Variants in CRB2 observed in about 807,000 individuals in gnomAD.
CRB2 encodes protein crumbs homolog 2.
A neutral mutation model predicts 110.9 loss-of-function variants in CRB2; 85 were observed. The observed-to-expected ratio is 0.77, with a 90% confidence interval of 0.64 to 0.92. CRB2 has a LOEUF of 0.92. Among genes scored for constraint, CRB2 ranks in the 40% least tolerant of loss-of-function variants. The pLI is 0.00. For missense variants in CRB2, 1,843 were observed against 1,851.3 expected (o/e 1.00, Z 0.08); for synonymous variants, 907 against 831.0 (o/e 1.09, Z -1.57).
At chr9:123,362,824 A>G (rs770188191) in intron 1 of CRB2, 41 bp from the exon 2 acceptor site, 1 of 1,527,420 alleles carries the variant, frequency 6.5e-7, no homozygotes, top group South Asian at 1.3e-5. Context: ...TGTCCTTGTA[A>G]CCTCTGCCCA....
At position 123,377,157 on chromosome 9, in the gene CRB2, CG is replaced by C. The variant is rs2042115776; in HGVS notation, c.*97del. ...GCTTCCAGGGCTCGGGACATTGCTA[CG>C]GAAGTGTCCCCTTGGCTGGCAGCCT... On this transcript the variant is annotated 3_prime_UTR_variant, in exon 13 of 13. Coordinates refer to ENST00000373631, the MANE Select transcript of CRB2 (RefSeq NM_173689.7). 1.7e-6 allele frequency: 2 copies of C among 1,153,332 alleles called. No homozygotes were observed. Among genetic ancestry groups the C allele is most frequent in the African/African-American group, 1.6e-5 (1 of 64,090 alleles). The allele number at this position is 1,153,332 out of a possible 1,614,324, so 71.4% of individuals were successfully genotyped here. A position where few individuals can be genotyped will look rare whatever the true frequency, so the allele number is the denominator to read the frequency against.
rs34802652 is a variant in CRB2, at chr9:123,370,270, C to T, written c.1217C>T (p.Pro406Leu). The change falls in exon 7 of 13, where the codon CCG (proline) becomes CTG (leucine). Residue 406 changes from proline (P) to leucine (L), a missense_variant. Coordinates refer to ENST00000373631, the MANE Select transcript of CRB2 (RefSeq NM_173689.7). Reference protein sequence around the residue: ...QLTGCQGHTCPLAATCIPIFE... With the variant: ...QLTGCQGHTCLLAATCIPIFE... ...ACTGGCTGCCAGGGCCACACCTGCC[C>T]GCTGGCTGCCACCTGCATCCCTATC... 1.1e-3 allele frequency: 1,714 copies of T among 1,613,302 alleles called. 27 individuals are homozygous for T. In the South Asian group the frequency reaches 0.015, roughly 14 times the overall value.
intron 12 of CRB2, 145 bp from the exon 13 acceptor site, chr9:123,376,693 C>A (rs769082890): frequency 2.7e-6 from 2 of 735,044 alleles, no homozygotes; most frequent in Non-Finnish European, 4.4e-6. Flanking sequence ...ACCCCTGGGG[C>A]TGGGTCTTCA....
Position 123,356,197 on chromosome 9 carries a change from G to T in CRB2, c.-64G>T, listed in dbSNP as rs369751222. ...TGCTGGTTGGAGGGACGAGGGGGGTGCGGAGCCAGCCAGGCCGCCCTCCCG... is the reference window on the plus strand; with the variant it reads ...TGCTGGTTGGAGGGACGAGGGGGGTTCGGAGCCAGCCAGGCCGCCCTCCCG... On this transcript the variant is annotated 5_prime_UTR_variant, in exon 1 of 13. Coordinates refer to ENST00000373631, the MANE Select transcript of CRB2 (RefSeq NM_173689.7). 5.5e-5 allele frequency: 65 copies of T among 1,174,384 alleles called. 1 individual carries two copies. In the East Asian group the frequency reaches 1.0e-3, roughly 18 times the overall value. The allele number at this position is 1,174,384 out of a possible 1,614,324, so 72.7% of individuals were successfully genotyped here.
In CRB2 at chr9:123,365,943, G is replaced by C. The variant is rs1171534921; in HGVS notation, c.445G>C (p.Glu149Gln). Reference sequence around the variant, plus strand: ...CGTGACCTGCGAGATGGAGGTGGACGAGTGCGCCTCAGCGCCCTGCCTGCA... The same window carrying C: ...CGTGACCTGCGAGATGGAGGTGGACCAGTGCGCCTCAGCGCCCTGCCTGCA... ...AGVTCEMEVD[E>Q]CASAPCLHGG... The change falls in exon 3 of 13, where the codon GAG becomes CAG. Residue 149 changes from glutamate (E) to glutamine (Q), a missense_variant. Physicochemically the swap from Glu to Gln is conservative, Grantham distance 29 (BLOSUM62 2). Coordinates refer to ENST00000373631, the MANE Select transcript of CRB2 (RefSeq NM_173689.7). 6.3e-7 allele frequency: 1 copy of C among 1,596,380 alleles called. No homozygotes were observed. Among genetic ancestry groups the C allele is most frequent in the Non-Finnish European group, 8.5e-7 (1 of 1,178,670 alleles).
chr9:123,374,999 C>CCAG (rs578251239), intron 11 of CRB2, among the ~76,000 whole-genome samples: 3 of 152,236 alleles, frequency 2.0e-5, no homozygotes, highest in East Asian at 3.9e-4. Flanking sequence ...CACCTGCCTT[C>CCAG]ACACAGGCTC....
At chr9:123,374,801 TG>T in intron 11 of CRB2, 106 bp downstream of exon 11, 1 of 712,892 alleles carries the variant, frequency 1.4e-6, no homozygotes, top group Non-Finnish European at 2.4e-6. Flanking sequence ...CACCCCTCCC[TG>T]GTATCACAGT....
In CRB2 at chr9:123,377,312, C is replaced by T. The variant is rs527766122; in HGVS notation, c.*250C>T. 94 of 500,672 alleles carry T rather than the reference C, an allele frequency of 1.9e-4. No individual in the cohort carries two copies. Among genetic ancestry groups the T allele is most frequent in the Middle Eastern group, 1.6e-3 (3 of 1,908 alleles). 31.0% of individuals were successfully genotyped at this position (500,672 alleles called of 1,614,324 possible). Reference sequence around the variant, plus strand: ...CCGCCTTGGCAGGTGTACGGCTGTGCGTGGGAGGGCACACGTGGGTTCACA... The same window carrying T: ...CCGCCTTGGCAGGTGTACGGCTGTGTGTGGGAGGGCACACGTGGGTTCACA... On this transcript the variant is annotated 3_prime_UTR_variant, in exon 13 of 13. Coordinates refer to ENST00000373631, the MANE Select transcript of CRB2 (RefSeq NM_173689.7).
intron 4 of CRB2, 137 bp from the exon 5 acceptor site, chr9:123,367,035 T>C: frequency 1.2e-6 from 1 of 819,640 alleles, no homozygotes; most frequent in Non-Finnish European, 1.9e-6. Flanking sequence ...CCTGCGGCCC[T>C]TAGTGTGTCC....
intron 1 of CRB2, 86 bp from the exon 2 acceptor site, chr9:123,362,779 G>T (rs1345557890): frequency 1.5e-6 from 2 of 1,355,808 alleles, no homozygotes; most frequent in Non-Finnish European, 1.0e-6. Flanking sequence ...TTGCTTTTGG[G>T]GTCTGGGGTG....
At chr9:123,361,045 G>A (rs1454090958) in intron 1 of CRB2, among the ~76,000 whole-genome samples, 3 of 146,806 alleles carry the variant, frequency 2.0e-5, no homozygotes, top group African/African-American at 7.6e-5. Flanking sequence ...CACCTCCCCC[G>A]CCCCCCAGGA....
chr9:123,372,154 C>T (rs759578283), intron 8 of CRB2, 23 bp from the exon 9 acceptor site: 3 of 1,613,266 alleles, frequency 1.9e-6, no homozygotes, highest in African/African-American at 2.7e-5. Context: ...CCTGAGCCAA[C>T]CCCTGCCCTG....
chr9:123,377,218 C>CG lies in CRB2; in HGVS notation c.*157dup. On this transcript the variant is annotated 3_prime_UTR_variant, in exon 13 of 13. Coordinates refer to ENST00000373631, the MANE Select transcript of CRB2 (RefSeq NM_173689.7). ...CCTCTGCCCCATCCTGGATGGAGGA[C>CG]GAGGGGAGCAACTCAGGGAAACAGA... The CG allele has an allele frequency of 2.9e-6, 2 of 686,674 alleles. No individual in the cohort carries two copies. Among genetic ancestry groups the CG allele is most frequent in the East Asian group, 5.6e-5 (2 of 35,810 alleles). The allele number at this position is 686,674 out of a possible 1,614,324, so 42.5% of individuals were successfully genotyped here.
Position 123,367,689 on chromosome 9 carries a change from G to A in CRB2, c.1054+3G>A. 1 of 1,544,482 alleles carries A rather than the reference G, an allele frequency of 6.5e-7. No individual in the cohort carries two copies. Among genetic ancestry groups the A allele is most frequent in the Non-Finnish European group, 8.8e-7 (1 of 1,142,110 alleles). ...TCACTGCCCAGATGGCTACGCAGGT[G>A]TCTGGGGTGGGGTGGGCCCTGGGAC... is the stretch of plus-strand genomic sequence containing the variant. On this transcript the variant is annotated splice_donor_region_variant and intron_variant, in intron 6 of 12. Coordinates refer to ENST00000373631, the MANE Select transcript of CRB2 (RefSeq NM_173689.7).
At position 123,370,614 on chromosome 9, in the gene CRB2, C is replaced by CG; in HGVS notation, c.1561_1562insG (p.Gln521ArgfsTer18). ...GGCCCTAAACGATGGCCATTGGCACCAGGTGGAGGTTGTGCTCCATCTAGC... is the reference window on the plus strand; with the variant it reads ...GGCCCTAAACGATGGCCATTGGCACCGAGGTGGAGGTTGTGCTCCATCTAGC... On this transcript the variant is annotated frameshift_variant, in exon 7 of 13. Coordinates refer to ENST00000373631, the MANE Select transcript of CRB2 (RefSeq NM_173689.7). LOFTEE classifies it high-confidence loss of function. 6.2e-7 allele frequency: 1 copy of CG among 1,612,152 alleles called. No individual in the cohort carries two copies. Among genetic ancestry groups the CG allele is most frequent in the Non-Finnish European group, 8.5e-7 (1 of 1,180,018 alleles).
chr9:123,363,000 A>T lies in CRB2; in HGVS notation c.230A>T (p.His77Leu). The T allele has an allele frequency of 6.2e-7, 1 of 1,612,500 alleles. No individual in the cohort carries two copies. Among genetic ancestry groups the T allele is most frequent in the Non-Finnish European group, 8.5e-7 (1 of 1,179,766 alleles). The change falls in exon 2 of 13, where the codon CAC becomes CTC. Residue 77 changes from histidine (H) to leucine (L), a missense_variant. Transcript: ENST00000373631. ...CGGGGCTGTGCCACCCAGCCATGCC[A>T]CCACGGCGCTCTGTGTGTGCCCCAG... ...EPRGCATQPC[H>L]HGALCVPQGP...
chr9:123,375,818 G>A (rs539870427), intron 12 of CRB2, among the ~76,000 whole-genome samples: 75 of 152,182 alleles, frequency 4.9e-4, no homozygotes, highest in African/African-American at 1.5e-3. Flanking sequence ...CCCAACCCCG[G>A]GTGGCTCAGC....
Position 123,370,765 on chromosome 9 carries a change from TG to T in CRB2, c.1717del (p.Asp573ThrfsTer124). 6.2e-7 allele frequency: 1 copy of T among 1,602,764 alleles called. No homozygotes were observed. ...CCTGCCGGGATCTCCTCTGCCCAGC[TG>T]GGGGACGCGACCTTTGCAGGCTGCC... ...PLPAGISSAQ[L>X]GDATFAGCLQ... On this transcript the variant is annotated frameshift_variant, in exon 7 of 13. Transcript: ENST00000373631. LOFTEE classifies it high-confidence loss of function.
Position 123,376,921 on chromosome 9 carries a change from G to C in CRB2, c.3717G>C (p.Leu1239=). ...GTGCCTGCCTCCTCCTCCTCCTCCT[G>C]GGCCTCCTTTCAGGGATCCTGGCAG... ...AACACLLLLL[L]GLLSGILAAR... The change falls in exon 13 of 13, where the codon CTG becomes CTC. Residue 1239 remains leucine (L), a synonymous_variant. Transcript: ENST00000373631. 6.2e-7 allele frequency: 1 copy of C among 1,608,458 alleles called. No homozygotes were observed.
Sources: allele counts gnomAD v4.1 joint callset (sites outside exome capture counted in the v4.1 genomes callset), GRCh38; gene constraint gnomAD v4.1.1; transcripts MANE v1.5; gene names NCBI Gene and HGNC (gene_info 2026-07-23, HGNC 2026-07-21).